Variants in PLA2G2C observed in about 807,000 individuals in gnomAD.
The protein encoded by PLA2G2C is putative inactive group IIC secretory phospholipase A2.
Under a neutral mutation model 14.3 loss-of-function variants are expected in PLA2G2C, and 15 were observed. The observed-to-expected ratio is 1.05, with a 90% CI of 0.70 to 1.62. PLA2G2C has a LOEUF of 1.62. Ranked by LOEUF, PLA2G2C falls within the 40% of genes most tolerant of loss-of-function variation. The pLI is 0.00. For synonymous variants in PLA2G2C, 79 were observed against 67.7 expected, an observed-to-expected ratio of 1.17 and a Z score of -0.82; for missense variants, 162 against 173.2, an observed-to-expected ratio of 0.94 and a Z score of 0.36.
rs569711401 is a variant in PLA2G2C at position 20,177,403 on chromosome 1, C to T, written c.-40G>A. The T allele has an allele frequency of 1.5e-6, 1 of 655,540 alleles. No individual in the cohort carries two copies. The highest frequency in any genetic ancestry group is 2.7e-6 in the Non-Finnish European group (1 of 364,502). The allele number at this position is 655,540 out of a possible 1,614,324, so 40.6% of individuals were successfully genotyped here. A position where few individuals can be genotyped will look rare whatever the true frequency, so the allele number is the denominator to read the frequency against. On this transcript the variant is annotated 5_prime_UTR_variant, in exon 2 of 5. Transcript: ENST00000679259. Reference sequence around the variant, plus strand: ...GGGGGTCTGAGGTTCTACAGCCACGCCTTCACCTGTGTGTGAGGGGTCTCC... The same window carrying T: ...GGGGGTCTGAGGTTCTACAGCCACGTCTTCACCTGTGTGTGAGGGGTCTCC...
intron 4 of PLA2G2C, among the ~76,000 whole-genome samples, chr1:20,166,563 T>C (rs1247382186): frequency 1.3e-5 from 2 of 152,218 alleles, no homozygotes; most frequent in African/African-American, 4.8e-5. Context: ...CTGGTCCAGT[T>C]GCTGTCGCCC....
chr1:20,174,379 C>A (rs921763664), intron 3 of PLA2G2C, among the ~76,000 whole-genome samples: 1 of 152,220 alleles, frequency 6.6e-6, no homozygotes, highest in African/African-American at 2.4e-5. Flanking sequence ...TTTCTAGGAA[C>A]TCACACTCCC....
At chr1:20,180,713 C>G (rs2018265436) in intron 1 of PLA2G2C, among the ~76,000 whole-genome samples, 1 of 152,214 alleles carries the variant, frequency 6.6e-6, no homozygotes, top group Admixed American at 6.5e-5. Flanking sequence ...TTTGGGGCTG[C>G]CTACGATTGT....
intron 4 of PLA2G2C, among the ~76,000 whole-genome samples, chr1:20,167,995 C>T (rs2018005877): frequency 6.6e-6 from 1 of 152,234 alleles, no homozygotes; most frequent in African/African-American, 2.4e-5. Context: ...TTTTGGAACA[C>T]AAGCTCCTTC....
At position 20,175,614 on chromosome 1, in the gene PLA2G2C, A is replaced by G. The variant is rs1167321584; in HGVS notation, c.41-469T>C. The stretch of plus-strand genomic sequence containing the variant: ...ATTATTATTTTTTTAAATGACAAGT[A>G]CACATGAACTCAGCTGTTTTTGCTT... On this transcript the variant is annotated intron_variant, in intron 2 of 4. Coordinates refer to ENST00000679259, the MANE Select transcript of PLA2G2C (RefSeq NM_001367969.2). Among the ~76,000 whole-genome samples, 3 of 152,230 alleles carry G rather than the reference A, an allele frequency of 2.0e-5. No individual in the cohort carries two copies. In the East Asian group the frequency reaches 5.8e-4, roughly 29 times the overall value.
chr1:20,172,901 G>A lies in PLA2G2C; in HGVS notation c.180-4C>T, dbSNP rs1427547337. On this transcript the variant is annotated splice_region_variant and splice_polypyrimidine_tract_variant and intron_variant, in intron 3 of 4. Transcript: ENST00000679259. ...AGAGGGAGATGAGGGGCTGTGCCTG[G>A]AAGTGGGTCCCTCAGGAATCTGCTG... 1 of 1,611,606 alleles carries A rather than the reference G, an allele frequency of 6.2e-7. No homozygotes were observed. Among genetic ancestry groups the A allele is most frequent in the Admixed American group, 1.7e-5 (1 of 59,984 alleles).
chr1:20,170,659 C>T (rs933691184), intron 4 of PLA2G2C, among the ~76,000 whole-genome samples: 2 of 152,060 alleles, frequency 1.3e-5, no homozygotes, highest in African/African-American at 4.8e-5. Flanking sequence ...GTGGGGATGA[C>T]AGGGGCTGGC....
intron 1 of PLA2G2C, among the ~76,000 whole-genome samples, chr1:20,184,819 G>A (rs2018338619): frequency 1.3e-5 from 2 of 152,066 alleles, no homozygotes; most frequent in African/African-American, 4.8e-5. Context: ...GGAGAGGTGG[G>A]AGGTTTCGCA....
chr1:20,173,510 C>T (rs1026064333), intron 3 of PLA2G2C, among the ~76,000 whole-genome samples: 34 of 152,166 alleles, frequency 2.2e-4, no homozygotes, highest in Admixed American at 7.2e-4. Flanking sequence ...AATGATAGAC[C>T]CAGGACACAA....
chr1:20,165,692 G>A (rs751766423), intron 4 of PLA2G2C, among the ~76,000 whole-genome samples: 55 of 151,646 alleles, frequency 3.6e-4, no homozygotes, highest in Admixed American at 1.4e-3. Context: ...GTGTGCATGC[G>A]CGTGTGTGCA....
At chr1:20,168,743 C>T (rs1440799192) in intron 4 of PLA2G2C, among the ~76,000 whole-genome samples, 1 of 152,240 alleles carries the variant, frequency 6.6e-6, no homozygotes, top group Non-Finnish European at 1.5e-5. Context: ...GCCTCCCACA[C>T]CGGGTCCTCC....
In PLA2G2C at chr1:20,163,409, C is replaced by CTGG. The variant is rs1372798743; in HGVS notation, c.*581_*582insCCA. On this transcript the variant is annotated 3_prime_UTR_variant, in exon 5 of 5. Transcript: ENST00000679259. ...CTAAGCCACAAGACCAGTTCAGATT[C>CTGG]ATGGGATGGGGAAAACAGATTCTGC... 6.6e-6 allele frequency: 1 copy of CTGG among 152,486 alleles called. No individual in the cohort carries two copies. Among genetic ancestry groups the CTGG allele is most frequent in the Non-Finnish European group, 1.5e-5 (1 of 68,254 alleles). The allele number at this position is 152,486 out of a possible 1,614,324, so 9.4% of individuals were successfully genotyped here.
Position 20,163,862 on chromosome 1 carries a change from C to G in PLA2G2C, c.*129G>C. The G allele has an allele frequency of 1.6e-5, 17 of 1,067,678 alleles. No individual in the cohort carries two copies. The highest frequency in any genetic ancestry group is 1.0e-4 in the South Asian group (6 of 58,760). 66.1% of individuals were successfully genotyped at this position (1,067,678 alleles called of 1,614,324 possible). A position where few individuals can be genotyped will look rare whatever the true frequency, so the allele number is the denominator to read the frequency against. On this transcript the variant is annotated 3_prime_UTR_variant, in exon 5 of 5. Transcript: ENST00000679259. ...GTCAGAATGCTGAAGGGTGAGCTGC[C>G]CTGCGGGAGACATTTTGTCCTCCCT...
Position 20,163,220 on chromosome 1 carries a change from T to G in PLA2G2C, c.*771A>C, listed in dbSNP as rs1035395049. The G allele has an allele frequency of 3.3e-5, 5 of 152,274 alleles. No homozygotes were observed. The highest frequency in any genetic ancestry group is 1.5e-5 in the Non-Finnish European group (1 of 68,074). 9.4% of individuals were successfully genotyped at this position (152,274 alleles called of 1,614,324 possible). A position where few individuals can be genotyped will look rare whatever the true frequency, so the allele number is the denominator to read the frequency against. On this transcript the variant is annotated 3_prime_UTR_variant, in exon 5 of 5. Coordinates refer to ENST00000679259, the MANE Select transcript of PLA2G2C (RefSeq NM_001367969.2). ...TCTCTCTCACGTGTCTGAAATCAGC[T>G]GAGACAACTGATCCAGGTGGGCTCT...
At chr1:20,175,885 T>A (rs1362943143) in intron 2 of PLA2G2C, among the ~76,000 whole-genome samples, 9 of 151,812 alleles carry the variant, frequency 5.9e-5, no homozygotes, top group Admixed American at 5.9e-4. Context: ...TGTCTTTTCA[T>A]AATAAGCGTG....
intron 3 of PLA2G2C, among the ~76,000 whole-genome samples, chr1:20,173,724 T>C (rs971009936): frequency 6.6e-6 from 1 of 152,156 alleles, no homozygotes; most frequent in Non-Finnish European, 1.5e-5. Context: ...CCTCAACCAC[T>C]ACACAAGGGA....
intron 1 of PLA2G2C, among the ~76,000 whole-genome samples, chr1:20,178,392 C>A (rs1480097256): frequency 6.6e-6 from 1 of 152,222 alleles, no homozygotes; most frequent in Non-Finnish European, 1.5e-5. Flanking sequence ...GCTAGATTTA[C>A]ACCTGGTGGC....
intron 1 of PLA2G2C, among the ~76,000 whole-genome samples, chr1:20,181,080 A>G (rs2100725409): frequency 6.6e-6 from 1 of 152,288 alleles, no homozygotes; most frequent in Middle Eastern, 3.4e-3. Flanking sequence ...CGTATATATC[A>G]CACTTATGCC....
In PLA2G2C at chr1:20,164,060, G is replaced by T; in HGVS notation, c.381C>A (p.Pro127=). 1 of 1,613,838 alleles carries T rather than the reference G, an allele frequency of 6.2e-7. No homozygotes were observed. Among genetic ancestry groups the T allele is most frequent in the Non-Finnish European group, 8.5e-7 (1 of 1,179,834 alleles). The change falls in exon 5 of 5, where the codon CCC becomes CCA. Residue 127 remains proline (P), a synonymous_variant. Transcript: ENST00000679259. ...ACTGCTTGAAGTTTTTCTCATAGGT[G>T]GGCAGGCTCTCTTTGAAGCAGTGCA... ...QSVHCFKESL[P]TYEKNFKQFS... is the part of the protein sequence containing the mutation.
Sources: allele counts gnomAD v4.1 joint callset (sites outside exome capture counted in the v4.1 genomes callset), GRCh38; gene constraint gnomAD v4.1.1; transcripts MANE v1.5; gene names NCBI Gene and HGNC (gene_info 2026-07-23, HGNC 2026-07-21).